G3BP2: variants seen among roughly 807,000 people sequenced by gnomAD.
The protein encoded by G3BP2 is G3BP stress granule assembly factor 2.
A neutral mutation model predicts 56.7 loss-of-function variants in G3BP2; 11 were observed. The ratio of observed to expected loss-of-function variants is 0.19; its 90% CI spans 0.12 to 0.32. The LOEUF is 0.32. Ranked by LOEUF, G3BP2 falls within the 10% of genes least tolerant of loss-of-function variation. G3BP2 has a pLI of 1.00. For synonymous variants in G3BP2, 165 were observed against 191.6 expected (o/e 0.86, Z 1.15); for missense variants, 340 against 610.9 (o/e 0.56, Z 4.67).
rs1458977621 is a variant in G3BP2, at chr4:75,645,763, CT to C, written c.1177-62del. ...GGTTAGACAGCAATAGAAATGATTA[CT>C]CTGAACAGGTCAGTCAGATAAGCAT... On this transcript the variant is annotated intron_variant, in intron 11 of 11. Coordinates refer to ENST00000359707, the MANE Select transcript of G3BP2 (RefSeq NM_203505.3). 4.2e-6 allele frequency: 6 copies of C among 1,439,772 alleles called. No homozygotes were observed. The African/African-American group carries it at 7.0e-5, about 17-fold the overall frequency. The allele number at this position is 1,439,772 out of a possible 1,614,324, so 89.2% of individuals were successfully genotyped here. A position where few individuals can be genotyped will look rare whatever the true frequency, so the allele number is the denominator to read the frequency against.
At chr4:75,664,864 A>G (rs1732876129) in intron 1 of G3BP2, among the ~76,000 whole-genome samples, 2 of 151,996 alleles carry the variant, frequency 1.3e-5, no homozygotes, top group African/African-American at 2.4e-5. Context: ...AAACAGACAA[A>G]AAAACACTGC....
At chr4:75,695,284 T>G (rs2149087204) in intron 3 of G3BP2, among the ~76,000 whole-genome samples, 1 of 152,286 alleles carries the variant, frequency 6.6e-6, no homozygotes, top group South Asian at 2.1e-4. Context: ...CCTGCCTGAT[T>G]TGCGGCAATC....
At chr4:75,682,402 G>A (rs1157965689) in intron 3 of G3BP2, among the ~76,000 whole-genome samples, 1 of 143,090 alleles carries the variant, frequency 7.0e-6, no homozygotes, top group Admixed American at 7.1e-5. Context: ...GTGACAGAGC[G>A]AGACTCCGTC....
chr4:75,673,421 C>A, upstream of G3BP2: 1 of 1,232,304 alleles, frequency 8.1e-7, no homozygotes, highest in Non-Finnish European at 1.0e-6. Context: ...GTCCCGCCCC[C>A]TTTGCCACCG....
intron 6 of G3BP2, among the ~76,000 whole-genome samples, 160 bp downstream of exon 6, chr4:75,655,608 C>G (rs1732035215): frequency 6.6e-6 from 1 of 152,198 alleles, no homozygotes; most frequent in South Asian, 2.1e-4. Flanking sequence ...TTAAATAAAA[C>G]CATTCTTTCC....
At chr4:75,648,361 CAAACA>C (rs201064445) in intron 9 of G3BP2, among the ~76,000 whole-genome samples, 5 of 31,570 alleles carry the variant, frequency 1.6e-4, no homozygotes, top group Admixed American at 3.7e-4. Flanking sequence ...AAAAAACAAA[CAAACA>C]AAAAAAAAAA....
At chr4:75,713,602 C>T (rs1049624741) in intron 3 of G3BP2, among the ~76,000 whole-genome samples, 1 of 151,922 alleles carries the variant, frequency 6.6e-6, no homozygotes, top group Admixed American at 6.6e-5. Flanking sequence ...GGCAACACAG[C>T]GAGACTCTCA....
chr4:75,673,400 G>A lies in G3BP2; in HGVS notation c.-217C>T, dbSNP rs1298175551. The A allele has an allele frequency of 8.1e-7, 1 of 1,232,230 alleles. No homozygotes were observed. The highest frequency in any genetic ancestry group is 1.0e-6 in the Non-Finnish European group (1 of 987,996). The allele number at this position is 1,232,230 out of a possible 1,614,324, so 76.3% of individuals were successfully genotyped here. On this transcript the variant is annotated 5_prime_UTR_variant, in exon 1 of 12. Coordinates refer to ENST00000359707, the MANE Select transcript of G3BP2 (RefSeq NM_203505.3). Reference sequence around the variant, plus strand: ...CGCCAGGCGCTGCGACGTGCGACAAGGACCACGGACGTCCCGCCCCCTTTG... The same window carrying A: ...CGCCAGGCGCTGCGACGTGCGACAAAGACCACGGACGTCCCGCCCCCTTTG...
rs1731043605 is a variant in G3BP2, at chr4:75,643,936, T to G, written c.*1494A>C. On this transcript the variant is annotated 3_prime_UTR_variant, in exon 12 of 12. Coordinates refer to ENST00000359707, the MANE Select transcript of G3BP2 (RefSeq NM_203505.3). ...ACAATAATCCAGCAGCTACAAACTTTGCTCACAGAATTGTTTAAAGATTCA... is the reference window on the plus strand; with the variant it reads ...ACAATAATCCAGCAGCTACAAACTTGGCTCACAGAATTGTTTAAAGATTCA... The G allele has an allele frequency of 6.5e-6, 1 of 152,792 alleles. No individual in the cohort carries two copies. Among genetic ancestry groups the G allele is most frequent in the East Asian group, 1.9e-4 (1 of 5,186 alleles). The allele number at this position is 152,792 out of a possible 1,614,324, so 9.5% of individuals were successfully genotyped here. A position where few individuals can be genotyped will look rare whatever the true frequency, so the allele number is the denominator to read the frequency against.
At chr4:75,681,223 C>G (rs959566094) in intron 3 of G3BP2, among the ~76,000 whole-genome samples, 4 of 151,964 alleles carry the variant, frequency 2.6e-5, no homozygotes, top group African/African-American at 9.6e-5. Flanking sequence ...ACTCGGGAGG[C>G]TGAGGCAGGA....
Position 75,694,901 on chromosome 4 carries a change from G to A in G3BP2, c.-25+25976C>T, listed in dbSNP as rs1254077013. On this transcript the variant is annotated intron_variant, in intron 3 of 3. Transcript: ENST00000499709. ...GCCGAAGGGGTTTTCAGTAGATTTG[G>A]ACAGGAAGCGATAAGGACATGAAGG... The A allele has an allele frequency of 3.0e-6, 3 of 985,446 alleles. 1 individual carries two copies. In the East Asian group the frequency reaches 3.4e-4, roughly 112 times the overall value. 61.0% of individuals were successfully genotyped at this position (985,446 alleles called of 1,614,324 possible). A position where few individuals can be genotyped will look rare whatever the true frequency, so the allele number is the denominator to read the frequency against.
intron 3 of G3BP2, among the ~76,000 whole-genome samples, chr4:75,717,211 G>A (rs553248397): frequency 1.3e-5 from 2 of 152,128 alleles, no homozygotes; most frequent in Non-Finnish European, 2.9e-5. Flanking sequence ...GGGAGGTTGA[G>A]GCGGGTGGGT....
chr4:75,650,426 C>CAA (rs1220235661), intron 8 of G3BP2, among the ~76,000 whole-genome samples: 4 of 76,754 alleles, frequency 5.2e-5, no homozygotes, highest in African/African-American at 6.0e-5. Context: ...AACTCCATCT[C>CAA]AAAAAAAAAA....
chr4:75,720,240 C>T (rs1185440742), intron 3 of G3BP2, among the ~76,000 whole-genome samples: 2 of 152,050 alleles, frequency 1.3e-5, no homozygotes, highest in African/African-American at 4.8e-5. Context: ...GGGCGCCGGG[C>T]GCGGTGGCTC....
intron 3 of G3BP2, among the ~76,000 whole-genome samples, chr4:75,707,522 A>C (rs1719597329): frequency 6.7e-6 from 1 of 148,360 alleles, no homozygotes; most frequent in Non-Finnish European, 1.5e-5. Context: ...AGGCAGGAGA[A>C]TGGCGTGAAC....
chr4:75,645,554 C>G lies in G3BP2; in HGVS notation c.1325G>C (p.Gly442Ala). 6.2e-7 allele frequency: 1 copy of G among 1,613,952 alleles called. No homozygotes were observed. The highest frequency in any genetic ancestry group is 1.1e-5 in the South Asian group (1 of 91,056). The change falls in exon 12 of 12, where the codon GGT (glycine) becomes GCT (alanine). Residue 442 changes from glycine (G) to alanine (A), a missense_variant. Around this residue, in one of 4 missense-constraint regions of G3BP2, gnomAD observed 94 missense variants for 173.8 expected, o/e 0.54. Transcript: ENST00000359707. ...RGPGGPRGIV[G>A]GGMMRDRDGR... The stretch of plus-strand genomic sequence containing the variant: ...ATCACGATCACGCATCATTCCACCA[C>G]CCACAATTCCACGTGGACCACCGGG...
At chr4:75,661,870 A>G in intron 2 of G3BP2, 61 bp downstream of exon 2, 1 of 815,694 alleles carries the variant, frequency 1.2e-6, no homozygotes, top group Non-Finnish European at 2.1e-6. Flanking sequence ...TGCAAAATAT[A>G]TATAGTCATA....
intron 1 of G3BP2, 82 bp from the exon 2 acceptor site, chr4:75,662,131 A>T: frequency 1.3e-6 from 1 of 772,930 alleles, no homozygotes; most frequent in Non-Finnish European, 2.2e-6. Flanking sequence ...TTTTTAGCCA[A>T]ATTTAGCAGT....
upstream of G3BP2, chr4:75,673,611 GC>G: frequency 8.1e-7 from 1 of 1,231,330 alleles, no homozygotes; most frequent in Non-Finnish European, 1.0e-6. Flanking sequence ...ACCGGAACCG[GC>G]CTAAAGCCAA....
Sources: allele counts gnomAD v4.1 joint callset (sites outside exome capture counted in the v4.1 genomes callset), GRCh38; gene constraint gnomAD v4.1.1; regional missense constraint gnomAD v4.1.1; transcripts MANE v1.5; gene names NCBI Gene and HGNC (gene_info 2026-07-23, HGNC 2026-07-21).